Variants in GABRG3 observed in about 807,000 individuals in gnomAD.
GABRG3 encodes gamma-aminobutyric acid receptor subunit gamma-3.
Under a neutral mutation model 48.8 loss-of-function variants are expected in GABRG3, and 25 were observed. That is an observed-to-expected ratio of 0.51 (90% confidence interval 0.37 to 0.72). The LOEUF is 0.72. Among genes scored for constraint, GABRG3 ranks in the 30% least tolerant of loss-of-function variants. The pLI, the probability that GABRG3 is intolerant of heterozygous loss-of-function variation, is 0.00. For missense variants in GABRG3, 394 were observed against 577.9 expected (o/e 0.68, Z 3.26); for synonymous variants, 227 against 217.6 (o/e 1.04, Z -0.38).
intron 2 of GABRG3, among the ~76,000 whole-genome samples, chr15:27,000,827 C>T (rs560299370): frequency 6.6e-6 from 1 of 152,288 alleles, no homozygotes; most frequent in Non-Finnish European, 1.5e-5. Context: ...CTCTTTTCTT[C>T]ATAAATTGTC....
rs1895361460 is a variant in GABRG3, at chr15:26,997,377, G to T, written c.202+20227G>T. 2.0e-5 allele frequency among the ~76,000 whole-genome samples: 3 copies of T among 151,902 alleles called. 1 individual carries two copies. The South Asian group carries it at 6.2e-4, about 32-fold the overall frequency. Reference sequence around the variant, plus strand: ...CTGCTGTTCTTTTTTTCCTGTGTATGAATCGTACTTACCCATTTATTTGCA... The same window carrying T: ...CTGCTGTTCTTTTTTTCCTGTGTATTAATCGTACTTACCCATTTATTTGCA... On this transcript the variant is annotated intron_variant, in intron 2 of 9. Transcript: ENST00000615808.
At chr15:27,508,315 T>G (rs758354475) in intron 6 of GABRG3, among the ~76,000 whole-genome samples, 2 of 152,222 alleles carry the variant, frequency 1.3e-5, no homozygotes, top group South Asian at 4.1e-4. Flanking sequence ...TAACAATCTT[T>G]TAAAACTTTT....
chr15:27,336,410 C>G (rs1339319662), intron 5 of GABRG3, among the ~76,000 whole-genome samples: 2 of 151,856 alleles, frequency 1.3e-5, no homozygotes, highest in African/African-American at 4.9e-5. Context: ...GGAAAATCTG[C>G]ATGTGAAAAG....
intron 3 of GABRG3, among the ~76,000 whole-genome samples, chr15:27,315,306 G>T (rs1371429329): frequency 1.3e-5 from 2 of 152,150 alleles, no homozygotes; most frequent in Non-Finnish European, 2.9e-5. Flanking sequence ...ACAGTGTCTA[G>T]ATAAATCATA....
chr15:26,990,448 T>A (rs1374909058), intron 2 of GABRG3, among the ~76,000 whole-genome samples: 1 of 152,234 alleles, frequency 6.6e-6, no homozygotes, highest in East Asian at 1.9e-4. Flanking sequence ...TAGAATCTTT[T>A]GCCCATTTAA....
At chr15:27,169,521 TC>T (rs1381216718) in intron 3 of GABRG3, among the ~76,000 whole-genome samples, 2 of 152,062 alleles carry the variant, frequency 1.3e-5, no homozygotes, top group Non-Finnish European at 2.9e-5. Context: ...ATGGGAACCA[TC>T]TGAGGGGAGG....
chr15:26,995,479 G>A (rs1263262497), intron 2 of GABRG3, among the ~76,000 whole-genome samples: 1 of 148,282 alleles, frequency 6.7e-6, no homozygotes, highest in Non-Finnish European at 1.5e-5. Flanking sequence ...TTAATCTGAT[G>A]TTTTGCTTTT....
intron 5 of GABRG3, among the ~76,000 whole-genome samples, chr15:27,329,705 T>C (rs1893740910): frequency 6.6e-6 from 1 of 152,264 alleles, no homozygotes; most frequent in Non-Finnish European, 1.5e-5. Context: ...TCCAACATTT[T>C]ACTTATGGTA....
intron 3 of GABRG3, among the ~76,000 whole-genome samples, chr15:27,029,795 G>T (rs960304946): frequency 1.3e-5 from 2 of 152,130 alleles, no homozygotes; most frequent in Non-Finnish European, 2.9e-5. Flanking sequence ...GCTGGCCTGA[G>T]GGAAGTTTCA....
chr15:27,039,492 A>T (rs568306392), intron 3 of GABRG3, among the ~76,000 whole-genome samples: 97 of 152,294 alleles, frequency 6.4e-4, no homozygotes, highest in African/African-American at 2.2e-3. Context: ...GCTGCTCAGC[A>T]GTTGTGTGTA....
intron 9 of GABRG3, chr15:27,530,863 A>C: frequency 5.6e-6 from 2 of 357,882 alleles, no homozygotes; most frequent in South Asian, 4.2e-5. Context: ...TCACTGTCAA[A>C]GCACACGTGT....
In GABRG3 at chr15:27,004,564, G is replaced by C. The variant is rs558813696; in HGVS notation, c.203-22190G>C. Among the ~76,000 whole-genome samples, 722 of 152,302 alleles carry C rather than the reference G, an allele frequency of 4.7e-3. 6 individuals are homozygous for C. Among genetic ancestry groups the C allele is most frequent in the African/African-American group, 0.017 (689 of 41,566 alleles). On this transcript the variant is annotated intron_variant, in intron 2 of 9. Coordinates refer to ENST00000615808, the MANE Select transcript of GABRG3 (RefSeq NM_033223.5). ...ACGGGGTGGCGGCCGGGCAGAGGCT[G>C]CAATCTTGGCATTTTGGGAGGCCAA...
At chr15:27,433,632 A>G (rs147938360) in intron 5 of GABRG3, among the ~76,000 whole-genome samples, 2 of 152,290 alleles carry the variant, frequency 1.3e-5, no homozygotes, top group Non-Finnish European at 2.9e-5. Flanking sequence ...TGATCCCCTA[A>G]TTCAACAGAT....
At chr15:27,390,721 A>G (rs534051840) in intron 5 of GABRG3, among the ~76,000 whole-genome samples, 5 of 152,212 alleles carry the variant, frequency 3.3e-5, no homozygotes, top group East Asian at 1.9e-4. Flanking sequence ...AAGAAATTCT[A>G]TATCAGGGCT....
chr15:27,453,529 TA>T (rs1889172401), intron 5 of GABRG3, among the ~76,000 whole-genome samples: 1 of 152,224 alleles, frequency 6.6e-6, no homozygotes, highest in Non-Finnish European at 1.5e-5. Context: ...ATTATCTCAG[TA>T]ACCTTTGAAA....
chr15:27,442,736 G>C (rs1888828747), intron 5 of GABRG3, among the ~76,000 whole-genome samples: 1 of 152,162 alleles, frequency 6.6e-6, no homozygotes, highest in Admixed American at 6.5e-5. Flanking sequence ...TCTACAATCT[G>C]ACCCCTTTAT....
At chr15:27,359,193 G>T (rs1894942638) in intron 5 of GABRG3, among the ~76,000 whole-genome samples, 1 of 152,228 alleles carries the variant, frequency 6.6e-6, no homozygotes, top group Non-Finnish European at 1.5e-5. Context: ...CATGCAGGGC[G>T]GCTGAGCTGC....
intron 6 of GABRG3, among the ~76,000 whole-genome samples, chr15:27,490,269 A>G (rs140790812): frequency 2.0e-5 from 3 of 152,308 alleles, no homozygotes; most frequent in Admixed American, 6.5e-5. Flanking sequence ...TTCGTTTTCT[A>G]TGAAAGTACT....
At chr15:27,450,959 A>ATAT (rs1368552641) in intron 5 of GABRG3, among the ~76,000 whole-genome samples, 2 of 152,192 alleles carry the variant, frequency 1.3e-5, no homozygotes, top group Admixed American at 6.5e-5. Flanking sequence ...CTCATTTAAA[A>ATAT]TAGCATCAAA....
Sources: allele counts gnomAD v4.1 joint callset (sites outside exome capture counted in the v4.1 genomes callset), GRCh38; gene constraint gnomAD v4.1.1; transcripts MANE v1.5; gene names NCBI Gene and HGNC (gene_info 2026-07-23, HGNC 2026-07-21).